Variants in ADCY9 observed in about 807,000 individuals in gnomAD.
The protein encoded by ADCY9 is adenylate cyclase type 9.
In ADCY9, 50 loss-of-function variants were observed where a neutral mutation model predicts 101.5. The observed-to-expected ratio is 0.49, with a 90% CI of 0.39 to 0.62. The LOEUF is 0.62. ADCY9 is among the 20% of genes least tolerant of loss of function. The probability of loss-of-function intolerance (pLI) is 0.00; values close to 1 mark genes in which losing one functional copy is unlikely to be tolerated. For synonymous variants in ADCY9, 905 were observed against 769.3 expected (o/e 1.18, Z -2.92); for missense variants, 1,662 against 1,800.4 (o/e 0.92, Z 1.39).
chr16:4,044,735 C>T (rs2056650663), intron 2 of ADCY9, among the ~76,000 whole-genome samples: 1 of 152,222 alleles, frequency 6.6e-6, no homozygotes, highest in Non-Finnish European at 1.5e-5. Flanking sequence ...AACCATTATA[C>T]ATTTAAACAA....
chr16:4,030,766 G>A (rs901855042), intron 2 of ADCY9, among the ~76,000 whole-genome samples: 8 of 151,992 alleles, frequency 5.3e-5, no homozygotes, highest in Admixed American at 1.3e-4. Context: ...ACAGGCAAAC[G>A]CAATTTATGG....
intron 2 of ADCY9, among the ~76,000 whole-genome samples, chr16:4,019,463 C>T (rs978999624): frequency 6.6e-6 from 1 of 152,220 alleles, no homozygotes; most frequent in African/African-American, 2.4e-5. Context: ...ACAATCAAAA[C>T]TGAAAGCAAA....
chr16:4,099,321 T>G (rs775293689), intron 2 of ADCY9, among the ~76,000 whole-genome samples: 1 of 152,192 alleles, frequency 6.6e-6, no homozygotes, highest in Non-Finnish European at 1.5e-5. Context: ...AAAGAAATTC[T>G]ACATTGCTCT....
At chr16:3,956,195 C>T (rs1219860936) in intron 5 of ADCY9, among the ~76,000 whole-genome samples, 1 of 152,108 alleles carries the variant, frequency 6.6e-6, no homozygotes, top group East Asian at 1.9e-4. Context: ...CAACTGCACC[C>T]AGGCAAAGTC....
At position 4,115,799 on chromosome 16, in the gene ADCY9, TCTC is replaced by T. The variant is rs1323434455; in HGVS notation, c.-156_-154del. 3 of 399,560 alleles carry T rather than the reference TCTC, an allele frequency of 7.5e-6. No homozygotes were observed. The highest frequency in any genetic ancestry group is 7.2e-5 in the East Asian group (2 of 27,812). The allele number at this position is 399,560 out of a possible 1,614,324, so 24.8% of individuals were successfully genotyped here. A position where few individuals can be genotyped will look rare whatever the true frequency, so the allele number is the denominator to read the frequency against. ...AGGGTGGCCTCCGCGCCGCGCGGCT[TCTC>T]CTCCTCGCGCGCTCGCCTCCTCCAG... On this transcript the variant is annotated 5_prime_UTR_variant, in exon 1 of 11. Coordinates refer to ENST00000294016, the MANE Select transcript of ADCY9 (RefSeq NM_001116.4). This position sits in a 1 kb window ranked among gnomAD's most constrained non-coding sequence, Gnocchi z 6.2.
At chr16:3,955,997 G>A (rs1482178911) in intron 5 of ADCY9, among the ~76,000 whole-genome samples, 2 of 152,038 alleles carry the variant, frequency 1.3e-5, no homozygotes, top group Non-Finnish European at 2.9e-5. Flanking sequence ...CAAGTAGCTG[G>A]GATCATATGT....
At chr16:3,999,182 C>T (rs567719102) in intron 3 of ADCY9, among the ~76,000 whole-genome samples, 18 of 152,124 alleles carry the variant, frequency 1.2e-4, no homozygotes, top group Non-Finnish European at 2.5e-4. Context: ...ACCTCACTGC[C>T]TTGGGAGACA....
intron 2 of ADCY9, among the ~76,000 whole-genome samples, chr16:4,042,598 T>G: frequency 6.6e-6 from 1 of 152,220 alleles, no homozygotes. Context: ...TGAACTATAT[T>G]TCCTAGTGAC....
chr16:4,007,677 T>G, intron 2 of ADCY9, 119 bp from the exon 3 acceptor site: 1 of 814,896 alleles, frequency 1.2e-6, no homozygotes. Flanking sequence ...AGTGAAAATG[T>G]GAATAGGTCA....
intron 2 of ADCY9, among the ~76,000 whole-genome samples, chr16:4,075,289 C>G (rs889084609): frequency 3.3e-5 from 5 of 152,188 alleles, no homozygotes; most frequent in Non-Finnish European, 5.9e-5. Context: ...CAGGCATGTG[C>G]CACCACGCCC....
intron 2 of ADCY9, among the ~76,000 whole-genome samples, chr16:4,064,466 A>G (rs905669028): frequency 6.6e-6 from 1 of 152,088 alleles, no homozygotes; most frequent in Non-Finnish European, 1.5e-5. Flanking sequence ...ATCATCCATA[A>G]TAAAGTGTTG....
intron 2 of ADCY9, among the ~76,000 whole-genome samples, chr16:4,091,901 C>A (rs1470868228): frequency 6.6e-6 from 1 of 152,198 alleles, no homozygotes; most frequent in East Asian, 1.9e-4. Flanking sequence ...GGTTGCACAA[C>A]ACTGTGAATG....
intron 3 of ADCY9, among the ~76,000 whole-genome samples, chr16:3,994,934 C>G (rs925150942): frequency 6.6e-6 from 1 of 151,976 alleles, no homozygotes; most frequent in Non-Finnish European, 1.5e-5. Context: ...CAGATCTAGG[C>G]GTACTTAAAA....
rs147433295 is a variant in ADCY9, at chr16:4,033,318, G to A, written c.1694-25760C>T. Among the ~76,000 whole-genome samples, 436 of 152,022 alleles carry A rather than the reference G, an allele frequency of 2.9e-3. 2 individuals carry two copies. The highest frequency in any genetic ancestry group is 8.9e-3 in the African/African-American group (369 of 41,448). On this transcript the variant is annotated intron_variant, in intron 2 of 10. Transcript: ENST00000294016. ...ATCTAATTCCAAATGAGTTGCTTCC[G>A]TAGATTCACGTAATACTGCAGAACT...
intron 2 of ADCY9, among the ~76,000 whole-genome samples, chr16:4,076,297 A>C (rs562881354): frequency 6.6e-6 from 1 of 152,358 alleles, no homozygotes; most frequent in Admixed American, 6.5e-5. Flanking sequence ...AAAAGCTAAC[A>C]AGAGCCTAAA....
At chr16:4,089,695 G>A (rs368955439) in intron 2 of ADCY9, among the ~76,000 whole-genome samples, 5 of 151,946 alleles carry the variant, frequency 3.3e-5, no homozygotes, top group South Asian at 4.1e-4. Context: ...CTCACCAGCC[G>A]TAAAGGGGAA....
In ADCY9 at chr16:4,105,520, A is replaced by G. The variant is rs142089405; in HGVS notation, c.1693+8230T>C. On this transcript the variant is annotated intron_variant, in intron 2 of 10. Coordinates refer to ENST00000294016, the MANE Select transcript of ADCY9 (RefSeq NM_001116.4). ...AACACCATTTCTACTAAAAATACAA[A>G]AAAAAAAAAATTGGCCGGGCATGGT... Among the ~76,000 whole-genome samples the G allele has an allele frequency of 5.6e-3, 849 of 151,718 alleles. 12 individuals carry two copies. The highest frequency in any genetic ancestry group is 0.019 in the African/African-American group (793 of 41,370).
rs370165212 is a variant in ADCY9 at position 4,003,722 on chromosome 16, A to G, written c.1884+3646T>C. Among the ~76,000 whole-genome samples, 10 of 151,996 alleles carry G rather than the reference A, an allele frequency of 6.6e-5. No homozygotes were observed. The East Asian group carries it at 1.9e-3, about 30-fold the overall frequency. ...TAGGACTACAGGCATGAGCCACTGC[A>G]CCTGGCTGCAGTTTCTTCACAGTCG... On this transcript the variant is annotated intron_variant, in intron 3 of 10. Transcript: ENST00000294016.
chr16:4,031,440 T>C (rs2056554519), intron 2 of ADCY9, among the ~76,000 whole-genome samples: 1 of 152,218 alleles, frequency 6.6e-6, no homozygotes, highest in South Asian at 2.1e-4. Flanking sequence ...TGTATAATTA[T>C]ATTCACACAT....
Sources: allele counts gnomAD v4.1 joint callset (sites outside exome capture counted in the v4.1 genomes callset), GRCh38; gene constraint gnomAD v4.1.1; non-coding constraint Gnocchi (gnomAD v3.1); transcripts MANE v1.5; gene names NCBI Gene and HGNC (gene_info 2026-07-23, HGNC 2026-07-21).